Variants in PLCH2 observed in about 807,000 individuals in gnomAD.
PLCH2 encodes the protein phospholipase C eta 2, also known as 1-phosphatidylinositol 4,5-bisphosphate phosphodiesterase eta-2.
In PLCH2, 98 loss-of-function variants were observed where a neutral mutation model predicts 134.7. The observed-to-expected ratio is 0.73, with a 90% CI of 0.62 to 0.86. The LOEUF (loss-of-function observed/expected upper bound fraction) is 0.86. Among genes scored for constraint, PLCH2 ranks in the 40% least tolerant of loss-of-function variants. PLCH2 has a pLI of 0.00. For synonymous variants in PLCH2, 974 were observed against 827.5 expected (o/e 1.18, Z -3.04); for missense variants, 1,994 against 1,986.6 (o/e 1.00, Z -0.07).
intron 4 of PLCH2, among the ~76,000 whole-genome samples, chr1:2,483,749 T>G (rs2100666639): frequency 1.2e-5 from 1 of 82,616 alleles, no homozygotes; most frequent in African/African-American, 4.4e-5. Flanking sequence ...CCAGAGTGTG[T>G]TGTTGACCCC....
rs1346811220 is a variant in PLCH2 at position 2,480,249 on chromosome 1, C to T, written c.582C>T (p.Val194=). ...NGDGSLSIGE[V]LQLLHKLNVN... is the part of the protein sequence containing the mutation. ...ATGGCAGCCTGAGCATTGGCGAGGTCCTGCAGCTGCTGCACAAGCTCAACG... is the reference window on the plus strand; with the variant it reads ...ATGGCAGCCTGAGCATTGGCGAGGTTCTGCAGCTGCTGCACAAGCTCAACG... The change falls in exon 4 of 22, where the codon GTC becomes GTT. Residue 194 remains valine (V), a synonymous_variant. Coordinates refer to ENST00000378486, the MANE Select transcript of PLCH2 (RefSeq NM_014638.4). The T allele has an allele frequency of 6.2e-7, 1 of 1,612,680 alleles. No homozygotes were observed. The highest frequency in any genetic ancestry group is 2.2e-5 in the East Asian group (1 of 44,898).
chr1:2,475,698 C>T (rs901195044), upstream of PLCH2, among the ~76,000 whole-genome samples: 5 of 152,228 alleles, frequency 3.3e-5, no homozygotes, highest in Non-Finnish European at 5.9e-5. Flanking sequence ...CCACCTCCTC[C>T]GCCACAGCTC....
intron 2 of PLCH2, among the ~76,000 whole-genome samples, chr1:2,431,770 G>A (rs1639084839): frequency 6.6e-6 from 1 of 152,126 alleles, no homozygotes; most frequent in Non-Finnish European, 1.5e-5. Context: ...CCTACCCCTT[G>A]TTACTGTCCC....
At chr1:2,484,095 G>C (rs1384837163) in intron 4 of PLCH2, among the ~76,000 whole-genome samples, 1 of 151,990 alleles carries the variant, frequency 6.6e-6, no homozygotes, top group Non-Finnish European at 1.5e-5. Flanking sequence ...GCTGTGTGGG[G>C]GAGGTGTTGA....
chr1:2,490,204 C>T lies in PLCH2; in HGVS notation c.1515+337C>T, dbSNP rs572486660. On this transcript the variant is annotated intron_variant, in intron 10 of 21. Transcript: ENST00000378486. ...ACGCCAGACTCCACCCCATTCCCAC[C>T]AGCACCTGGCCCACCCAGGCCCTGG... Among the ~76,000 whole-genome samples, 9 of 152,324 alleles carry T rather than the reference C, an allele frequency of 5.9e-5. 1 individual carries two copies. In the South Asian group the frequency reaches 1.9e-3, roughly 32 times the overall value.
At chr1:2,420,459 G>A in the PLCH2 span, among the ~76,000 whole-genome samples, 38 of 152,302 alleles carry the variant, frequency 2.5e-4, no homozygotes, top group Non-Finnish European at 1.8e-4. Flanking sequence ...AGTGGGATGC[G>A]GGGCTGAACG....
chr1:2,452,212 G>A (rs913233636), intron 2 of PLCH2, among the ~76,000 whole-genome samples: 2 of 152,202 alleles, frequency 1.3e-5, no homozygotes, highest in African/African-American at 4.8e-5. Flanking sequence ...CAGCTGGGCC[G>A]CACGACCCAG....
Position 2,504,856 on chromosome 1 carries a change from CCT to C in PLCH2, c.3895_3896del (p.Leu1299AspfsTer110). The C allele has an allele frequency of 6.2e-7, 1 of 1,600,770 alleles. No homozygotes were observed. Among genetic ancestry groups the C allele is most frequent in the Non-Finnish European group, 8.5e-7 (1 of 1,173,916 alleles). ...VSGPGVRRDT[L>X]TEQLRWLTVF... is the part of the protein sequence containing the mutation. ...CGGGGCCAGGGGTGAGACGGGACAC[CCT>C]GACAGAGCAGCTGCGCTGGCTCACT... On this transcript the variant is annotated frameshift_variant, in exon 22 of 22. Transcript: ENST00000378486. LOFTEE classifies it high-confidence loss of function.
chr1:2,437,092 G>T lies in PLCH2; in HGVS notation c.115+6463G>T, dbSNP rs77631145. Among the ~76,000 whole-genome samples, 118 of 152,336 alleles carry T rather than the reference G, an allele frequency of 7.7e-4. 4 individuals carry two copies. The East Asian group carries it at 0.014, about 17-fold the overall frequency. On this transcript the variant is annotated intron_variant, in intron 2 of 3. Coordinates refer to the PLCH2 transcript ENST00000609981. ...CTCTCGCCTTCTGTGGGGCAGGGCA[G>T]CCCCCATGGGTCAGGTGCTCAGTGT...
chr1:2,426,337 C>G (rs1472126388), intron 1 of PLCH2, among the ~76,000 whole-genome samples: 1 of 152,262 alleles, frequency 6.6e-6, no homozygotes, highest in East Asian at 1.9e-4. Flanking sequence ...GCACCCCGTT[C>G]TGATCTTTAC....
chr1:2,454,506 C>T (rs906182266), intron 2 of PLCH2, among the ~76,000 whole-genome samples: 3 of 152,206 alleles, frequency 2.0e-5, no homozygotes, highest in Non-Finnish European at 2.9e-5. Flanking sequence ...GGACCTGCTA[C>T]TCCCCAGGGG....
intron 21 of PLCH2, 52 bp from the exon 22 acceptor site, chr1:2,503,870 C>A: frequency 1.5e-6 from 1 of 671,698 alleles, no homozygotes. Flanking sequence ...GCCTCCCTCT[C>A]TCTCTTCTGC....
chr1:2,494,835 C>G (rs757120399), intron 11 of PLCH2, 21 bp from the exon 12 acceptor site: 1 of 1,562,096 alleles, frequency 6.4e-7, no homozygotes, highest in Non-Finnish European at 8.7e-7. Flanking sequence ...CACCTTGTCC[C>G]TGTCTCTCCC....
At chr1:2,461,857 G>A (rs901286161) in intron 2 of PLCH2, among the ~76,000 whole-genome samples, 3 of 115,390 alleles carry the variant, frequency 2.6e-5, no homozygotes, top group African/African-American at 3.6e-5. Flanking sequence ...AGCTGGGGAT[G>A]CCAGACTCAT....
upstream of PLCH2, among the ~76,000 whole-genome samples, chr1:2,474,845 C>T (rs867743604): frequency 2.0e-4 from 31 of 152,270 alleles, no homozygotes; most frequent in East Asian, 7.7e-4. Flanking sequence ...GGGCTATGGC[C>T]GTCTGGTCTG....
At chr1:2,433,940 G>T (rs181012783) in intron 2 of PLCH2, among the ~76,000 whole-genome samples, 132 of 152,292 alleles carry the variant, frequency 8.7e-4, no homozygotes, top group African/African-American at 3.1e-3. Flanking sequence ...CTGGAGCCCG[G>T]CTTTGAGTGT....
upstream of PLCH2, among the ~76,000 whole-genome samples, chr1:2,425,241 T>TACATAC (rs1638731055): frequency 6.8e-6 from 1 of 147,156 alleles, no homozygotes; most frequent in Non-Finnish European, 1.5e-5. Flanking sequence ...TACACACACA[T>TACATAC]ATGTAACACA....
At chr1:2,464,610 C>G (rs1214158952), upstream of PLCH2, among the ~76,000 whole-genome samples, 1 of 152,212 alleles carries the variant, frequency 6.6e-6, no homozygotes, top group African/African-American at 2.4e-5. Context: ...GGGCCACCTC[C>G]TGCTCCCCCA....
At chr1:2,466,602 C>T (rs1219823216), upstream of PLCH2, among the ~76,000 whole-genome samples, 1 of 152,234 alleles carries the variant, frequency 6.6e-6, no homozygotes, top group East Asian at 1.9e-4. Flanking sequence ...GCCTGCCCTG[C>T]CCACATCCGG....
Sources: allele counts gnomAD v4.1 joint callset (sites outside exome capture counted in the v4.1 genomes callset), GRCh38; gene constraint gnomAD v4.1.1; transcripts MANE v1.5; gene names NCBI Gene and HGNC (gene_info 2026-07-23, HGNC 2026-07-21).